The following ADAM18 variants were observed in gnomAD, a reference collection of about 807,000 sequenced individuals.
ADAM18 encodes ADAM metallopeptidase domain 18, also known as disintegrin and metalloproteinase domain-containing protein 18.
A neutral mutation model predicts 94.4 loss-of-function variants in ADAM18; 117 were observed. The ratio of observed to expected loss-of-function variants is 1.24; its 90% CI spans 1.07 to 1.45. The LOEUF (loss-of-function observed/expected upper bound fraction) is 1.45. Among genes scored for constraint, ADAM18 ranks in the 40% most tolerant of loss-of-function variants. The pLI is 0.00. For synonymous variants in ADAM18, 327 were observed against 291.6 expected (o/e 1.12, Z -1.24); for missense variants, 936 against 880.0 (o/e 1.06, Z -0.81).
intron 14 of ADAM18, among the ~76,000 whole-genome samples, chr8:39,668,965 G>A (rs925907912): frequency 2.0e-5 from 3 of 151,876 alleles, no homozygotes; most frequent in Non-Finnish European, 4.4e-5. Context: ...AGGCTTAAAC[G>A]AAATTCAACA....
At chr8:39,656,485 A>G (rs974921803) in intron 12 of ADAM18, among the ~76,000 whole-genome samples, 14 of 152,182 alleles carry the variant, frequency 9.2e-5, no homozygotes, top group African/African-American at 3.4e-4. Context: ...TTTCAGATAT[A>G]TTGTTGATAA....
chr8:39,643,490 T>A (rs1171187361), intron 10 of ADAM18, among the ~76,000 whole-genome samples: 1 of 152,118 alleles, frequency 6.6e-6, no homozygotes, highest in Non-Finnish European at 1.5e-5. Flanking sequence ...TTTTGATATA[T>A]TAGGGGGTCT....
chr8:39,692,514 CTT>C (rs1277814204), intron 16 of ADAM18, 84 bp from the exon 17 acceptor site: 13 of 673,010 alleles, frequency 1.9e-5, no homozygotes, highest in South Asian at 5.9e-5. Flanking sequence ...TTAAGCATCT[CTT>C]ATACATATAT....
At chr8:39,610,786 GT>G in intron 6 of ADAM18, 80 bp downstream of exon 6, 2 of 1,485,206 alleles carry the variant, frequency 1.3e-6, no homozygotes, top group East Asian at 4.9e-5. Flanking sequence ...AAGGAATTTA[GT>G]TAGCTGTTGA....
At chr8:39,630,612 T>C (rs971207981) in intron 7 of ADAM18, among the ~76,000 whole-genome samples, 1 of 151,924 alleles carries the variant, frequency 6.6e-6, no homozygotes, top group Non-Finnish European at 1.5e-5. Flanking sequence ...TTATTCACAT[T>C]GTTGCCCATA....
chr8:39,715,160 C>T (rs58440815), intron 18 of ADAM18, among the ~76,000 whole-genome samples: 90 of 152,044 alleles, frequency 5.9e-4, no homozygotes, highest in African/African-American at 2.1e-3. Context: ...AACTAGAAAT[C>T]AGTAACAAAA....
chr8:39,599,978 A>G lies in ADAM18; in HGVS notation c.133-6329A>G, dbSNP rs1357719448. On this transcript the variant is annotated intron_variant, in intron 2 of 19. Transcript: ENST00000265707. ...ATATTCAATAAAAAGTGTGAAATAA[A>G]TTGTCAATAAATATTTATTTCTTGA... 2.6e-5 allele frequency among the ~76,000 whole-genome samples: 4 copies of G among 152,090 alleles called. No individual in the cohort carries two copies. The South Asian group carries it at 6.2e-4, about 24-fold the overall frequency.
At chr8:39,722,210 T>TAC (rs1563321333) in intron 18 of ADAM18, among the ~76,000 whole-genome samples, 10 of 72,882 alleles carry the variant, frequency 1.4e-4, no homozygotes, top group African/African-American at 7.4e-4. Flanking sequence ...TGTGTGTGTG[T>TAC]GTGTGTGTAT....
At chr8:39,634,886 A>C (rs1471224793) in intron 7 of ADAM18, among the ~76,000 whole-genome samples, 2 of 152,148 alleles carry the variant, frequency 1.3e-5, no homozygotes, top group African/African-American at 4.8e-5. Flanking sequence ...GGTATTTTGT[A>C]CGTGAGAATG....
At chr8:39,601,126 C>T (rs372988578) in intron 2 of ADAM18, among the ~76,000 whole-genome samples, 80 of 152,212 alleles carry the variant, frequency 5.3e-4, no homozygotes, top group Admixed American at 2.2e-3. Flanking sequence ...CCAAATCTCG[C>T]GATAACTATC....
chr8:39,592,901 T>A (rs1410867477), intron 2 of ADAM18, among the ~76,000 whole-genome samples: 1 of 152,198 alleles, frequency 6.6e-6, no homozygotes, highest in Admixed American at 6.5e-5. Context: ...TCCTAGATGG[T>A]GTATTCTTCC....
intron 18 of ADAM18, among the ~76,000 whole-genome samples, chr8:39,719,023 C>G (rs1333940789): frequency 6.6e-6 from 1 of 150,474 alleles, no homozygotes; most frequent in Non-Finnish European, 1.5e-5. Flanking sequence ...ACTCAAAGGA[C>G]CAAGAATAGT....
intron 18 of ADAM18, among the ~76,000 whole-genome samples, chr8:39,719,058 T>C (rs572753385): frequency 2.7e-5 from 4 of 150,712 alleles, no homozygotes; most frequent in Admixed American, 2.0e-4. Context: ...AAAAAAAATG[T>C]TGGAGGAAAT....
rs1376828481 is a variant in ADAM18, at chr8:39,667,398, T to A, written c.1327-600T>A. ...GCCTGAGCAAAAGAGCAAAACTCCA[T>A]CTCAAAAAAAAAAAAAAAAAAAGAT... On this transcript the variant is annotated intron_variant, in intron 13 of 19. Transcript: ENST00000265707. 7.0e-5 allele frequency among the ~76,000 whole-genome samples: 9 copies of A among 128,726 alleles called. No homozygotes were observed. In the Admixed American group the frequency reaches 7.4e-4, roughly 11 times the overall value. The allele number at this position is 128,726 out of a possible 152,430, so 84.4% of individuals were successfully genotyped here.
intron 16 of ADAM18, among the ~76,000 whole-genome samples, chr8:39,687,001 A>AT (rs971377225): frequency 5.3e-5 from 8 of 151,192 alleles, no homozygotes; most frequent in South Asian, 2.1e-4. Context: ...ATAGATTCCT[A>AT]TTTTTTTTTA....
chr8:39,715,003 C>A (rs967505678), intron 18 of ADAM18, among the ~76,000 whole-genome samples: 3 of 151,942 alleles, frequency 2.0e-5, no homozygotes, highest in Admixed American at 2.0e-4. Flanking sequence ...AGAGAATATT[C>A]CATACAATGA....
At chr8:39,703,117 A>G (rs983037887) in intron 17 of ADAM18, among the ~76,000 whole-genome samples, 2 of 152,204 alleles carry the variant, frequency 1.3e-5, no homozygotes, top group Non-Finnish European at 2.9e-5. Flanking sequence ...ATCCGTGAGC[A>G]TGGAATGTTT....
chr8:39,700,933 A>T (rs1007249335), intron 17 of ADAM18, among the ~76,000 whole-genome samples: 5 of 151,232 alleles, frequency 3.3e-5, no homozygotes, highest in African/African-American at 1.2e-4. Context: ...GCTAAAAAAA[A>T]CGGTGAAACC....
intron 2 of ADAM18, among the ~76,000 whole-genome samples, chr8:39,604,356 T>A (rs1347892470): frequency 1.3e-5 from 2 of 152,212 alleles, no homozygotes; most frequent in Admixed American, 6.5e-5. Flanking sequence ...TGTCTATTTT[T>A]ATTTTTCTAA....
Sources: allele counts gnomAD v4.1 joint callset (sites outside exome capture counted in the v4.1 genomes callset), GRCh38; gene constraint gnomAD v4.1.1; transcripts MANE v1.5; gene names NCBI Gene and HGNC (gene_info 2026-07-23, HGNC 2026-07-21).